IL10RB: variants seen among roughly 807,000 people sequenced by gnomAD.
IL10RB encodes interleukin 10 receptor subunit beta, also known as interleukin-10 receptor subunit beta.
Under a neutral mutation model 38.7 loss-of-function variants are expected in IL10RB, and 30 were observed. That is an observed-to-expected ratio of 0.78 (90% CI 0.58 to 1.05). IL10RB has a LOEUF of 1.05. Among genes scored for constraint, IL10RB ranks in the 50% least tolerant of loss-of-function variants. The pLI, the probability that IL10RB is intolerant of heterozygous loss-of-function variation, is 0.00. For synonymous variants in IL10RB, 142 were observed against 145.9 expected (o/e 0.97, Z 0.19); for missense variants, 328 against 397.1 (o/e 0.83, Z 1.48).
At chr21:33,286,492 G>A (rs1486806996) in intron 5 of IL10RB, among the ~76,000 whole-genome samples, 1 of 152,158 alleles carries the variant, frequency 6.6e-6, no homozygotes, top group African/African-American at 2.4e-5. Flanking sequence ...CCTGGACTCT[G>A]TCAAAGATAA....
intron 1 of IL10RB, among the ~76,000 whole-genome samples, chr21:33,304,567 T>C (rs939803622): frequency 6.6e-6 from 1 of 152,230 alleles, no homozygotes; most frequent in Non-Finnish European, 1.5e-5. Flanking sequence ...ACTGTTTTCC[T>C]GAAAGCTTGC....
chr21:33,281,433 C>T (rs1377011207), intron 4 of IL10RB, among the ~76,000 whole-genome samples: 2 of 152,214 alleles, frequency 1.3e-5, no homozygotes, highest in African/African-American at 2.4e-5. Flanking sequence ...TTTTCTCACA[C>T]ATGCCCACAA....
intron 1 of IL10RB, among the ~76,000 whole-genome samples, chr21:33,303,585 C>A (rs556032511): frequency 2.0e-4 from 31 of 152,230 alleles, no homozygotes; most frequent in African/African-American, 6.5e-4. Context: ...GAACTCCTGA[C>A]CTCAAGTGAT....
chr21:33,306,437 T>G (rs1050086435), intron 1 of IL10RB, among the ~76,000 whole-genome samples: 9 of 152,252 alleles, frequency 5.9e-5, no homozygotes, highest in Non-Finnish European at 1.0e-4. Flanking sequence ...ATTTTTAGTT[T>G]GAAAGAGTTT....
chr21:33,277,094 A>G (rs774258179), intron 3 of IL10RB, among the ~76,000 whole-genome samples: 2 of 152,220 alleles, frequency 1.3e-5, no homozygotes, highest in Non-Finnish European at 2.9e-5. Flanking sequence ...TTATGACTTA[A>G]ACAAAGAAAC....
intron 3 of IL10RB, among the ~76,000 whole-genome samples, chr21:33,279,486 G>C (rs1465514779): frequency 2.0e-5 from 3 of 152,148 alleles, no homozygotes; most frequent in Non-Finnish European, 2.9e-5. Flanking sequence ...ATACAAAATA[G>C]CGTAGCTGGA....
intron 6 of IL10RB, among the ~76,000 whole-genome samples, chr21:33,294,417 G>A (rs1446023053): frequency 6.6e-6 from 1 of 151,948 alleles, no homozygotes; most frequent in Non-Finnish European, 1.5e-5. Flanking sequence ...GTCCAACCGG[G>A]AGACTCAGCT....
chr21:33,281,996 A>G (rs1601832563), intron 4 of IL10RB, among the ~76,000 whole-genome samples: 1 of 152,234 alleles, frequency 6.6e-6, no homozygotes, highest in Admixed American at 6.5e-5. Flanking sequence ...TCTGAGTTTA[A>G]TCTTTGAAAA....
intron 2 of IL10RB, among the ~76,000 whole-genome samples, chr21:33,271,358 C>T (rs985647105): frequency 1.3e-5 from 2 of 152,076 alleles, no homozygotes; most frequent in African/African-American, 4.8e-5. Context: ...ACATCCAAAA[C>T]AATTAGATGT....
downstream of IL10RB, among the ~76,000 whole-genome samples, chr21:33,298,613 C>CTAAA (rs767125252): frequency 9.2e-5 from 14 of 151,672 alleles, no homozygotes; most frequent in Admixed American, 1.3e-4. Context: ...GACTCCATCT[C>CTAAA]TAAATAAATA....
chr21:33,280,150 A>G (rs1442250798), intron 4 of IL10RB, among the ~76,000 whole-genome samples: 2 of 152,208 alleles, frequency 1.3e-5, no homozygotes, highest in African/African-American at 4.8e-5. Context: ...CCTGAAGGGC[A>G]GCTGCAGGGG....
intron 6 of IL10RB, among the ~76,000 whole-genome samples, chr21:33,295,976 G>A (rs566554707): frequency 1.7e-4 from 25 of 151,266 alleles, no homozygotes; most frequent in African/African-American, 5.3e-4. Flanking sequence ...CCTGAGAGGT[G>A]GAGGTTGCAG....
chr21:33,276,422 C>T (rs930879886), intron 2 of IL10RB, among the ~76,000 whole-genome samples, 174 bp from the exon 3 acceptor site: 3 of 152,084 alleles, frequency 2.0e-5, no homozygotes, highest in Non-Finnish European at 2.9e-5. Flanking sequence ...TGGAGAGGCA[C>T]GTAGTCATTA....
chr21:33,295,147 C>T (rs530960141), intron 6 of IL10RB, among the ~76,000 whole-genome samples: 6 of 152,096 alleles, frequency 3.9e-5, no homozygotes, highest in African/African-American at 1.4e-4. Context: ...GGGCAGATCA[C>T]GAGGTCAGGA....
chr21:33,302,394 C>T (rs187028891), intron 1 of IL10RB, among the ~76,000 whole-genome samples: 2 of 152,376 alleles, frequency 1.3e-5, no homozygotes, highest in Admixed American at 1.3e-4. Flanking sequence ...AAGGCTGGGC[C>T]CCCTTGCGTT....
downstream of IL10RB, among the ~76,000 whole-genome samples, chr21:33,299,643 G>C (rs540676452): frequency 6.6e-6 from 1 of 152,210 alleles, no homozygotes; most frequent in Admixed American, 6.5e-5. Context: ...GGTCTCAGCC[G>C]TAGCTGCACA....
At chr21:33,275,818 A>C (rs962859) in intron 2 of IL10RB, among the ~76,000 whole-genome samples, 55,825 of 152,106 alleles carry the variant, frequency 0.37, 10,899 homozygotes, top group Non-Finnish European at 0.45. Flanking sequence ...AGGAGAGTGG[A>C]CAGTGGGTGG....
chr21:33,296,209 C>A lies in IL10RB; in HGVS notation c.830C>A (p.Thr277Lys). The A allele has an allele frequency of 1.2e-6, 2 of 1,614,020 alleles. No individual in the cohort carries two copies. The highest frequency in any genetic ancestry group is 8.5e-7 in the Non-Finnish European group (1 of 1,179,850). ...KEFLGHPHHN[T>K]LLFFSFPLSD... ...TTTTTGGGCCATCCTCATCATAACA[C>A]ACTTCTGTTTTTCTCCTTTCCATTG... is the stretch of plus-strand genomic sequence containing the variant. Residue 277 changes from threonine to lysine, a missense_variant, in exon 7 of 7, where the codon ACA becomes AAA. By Grantham distance (78) the Thr-to-Lys change is moderately conservative. Transcript: ENST00000290200.
chr21:33,283,029 G>GA (rs373396776), intron 4 of IL10RB, 65 bp from the exon 5 acceptor site: 46,377 of 921,906 alleles, frequency 0.05, 18 homozygotes, highest in Non-Finnish European at 0.057. Flanking sequence ...TGATAAATGT[G>GA]AAAAAAAAAA....
Sources: allele counts gnomAD v4.1 joint callset (sites outside exome capture counted in the v4.1 genomes callset), GRCh38; gene constraint gnomAD v4.1.1; transcripts MANE v1.5; gene names NCBI Gene and HGNC (gene_info 2026-07-23, HGNC 2026-07-21).